The following KCNQ1OT1 variants were observed in gnomAD, a reference collection of about 807,000 sequenced individuals.
KCNQ1OT1 encodes KCNQ1 antisense RNA 2 (non-protein coding).
In KCNQ1OT1 at chr11:2,617,626, A is replaced by T. The variant is rs923674681; in HGVS notation, n.82369T>A. ...ATGATAGTATATTTTCAATTTCTTTAGGAGCCACCATTCTGTTTTTCATTA... is the reference window on the plus strand; with the variant it reads ...ATGATAGTATATTTTCAATTTCTTTTGGAGCCACCATTCTGTTTTTCATTA... On this transcript the variant is annotated non_coding_transcript_exon_variant, in exon 1 of 1. Coordinates refer to ENST00000597346, the Ensembl canonical transcript of KCNQ1OT1. The surrounding 1 kb of genome is among the most constrained non-coding windows in gnomAD (Gnocchi z 4.6). 3 of 398,340 alleles carry T rather than the reference A, an allele frequency of 7.5e-6. No individual in the cohort carries two copies. The highest frequency in any genetic ancestry group is 1.3e-5 in the Non-Finnish European group (3 of 225,970). The allele number at this position is 398,340 out of a possible 1,614,324, so 24.7% of individuals were successfully genotyped here. A position where few individuals can be genotyped will look rare whatever the true frequency, so the allele number is the denominator to read the frequency against.
rs1024917965 is a variant in KCNQ1OT1, at chr11:2,659,960, T to C, written n.40035A>G. Reference sequence around the variant, plus strand: ...TGCAAGTCCTTGACCTGATAGGTGATATGCAAATATTCTTTCCAAGTCTGT... The same window carrying C: ...TGCAAGTCCTTGACCTGATAGGTGACATGCAAATATTCTTTCCAAGTCTGT... On this transcript the variant is annotated non_coding_transcript_exon_variant, in exon 1 of 1. Transcript: ENST00000597346. The surrounding 1 kb of genome is among the most constrained non-coding windows in gnomAD (Gnocchi z 4.3). 2.0e-5 allele frequency: 8 copies of C among 398,354 alleles called. No homozygotes were observed. The highest frequency in any genetic ancestry group is 1.6e-4 in the African/African-American group (8 of 48,646). The allele number at this position is 398,354 out of a possible 1,614,324, so 24.7% of individuals were successfully genotyped here. A position where few individuals can be genotyped will look rare whatever the true frequency, so the allele number is the denominator to read the frequency against.
exon 1 of KCNQ1OT1, chr11:2,672,010 T>C: frequency 2.5e-6 from 1 of 398,708 alleles, no homozygotes. Context: ...GAGTGTATGT[T>C]GGGCTTGTCT....
chr11:2,622,462 A>G (rs1272012659), exon 1 of KCNQ1OT1: 2 of 398,320 alleles, frequency 5.0e-6, no homozygotes, highest in Admixed American at 8.8e-5. Flanking sequence ...AGTTTGTTAT[A>G]TACAGCATAG....
At chr11:2,665,331 T>C (rs1026947160) in exon 1 of KCNQ1OT1, 4 of 398,134 alleles carry the variant, frequency 1.0e-5, no homozygotes, top group Admixed American at 4.4e-5. Context: ...AAGTAGAGAC[T>C]GTAGGCCTGC....
chr11:2,610,910 G>A, exon 1 of KCNQ1OT1: 1 of 397,634 alleles, frequency 2.5e-6, no homozygotes, highest in Admixed American at 4.4e-5. Context: ...ATAGTAGTTG[G>A]GTAATAGTTC....
chr11:2,662,537 C>T (rs1031607671), exon 1 of KCNQ1OT1: 28 of 426,400 alleles, frequency 6.6e-5, no homozygotes, highest in South Asian at 1.8e-4. Flanking sequence ...TGATTTTCCA[C>T]GCCTTCCAGT....
chr11:2,608,393 T>G lies in KCNQ1OT1; in HGVS notation n.91602A>C, dbSNP rs1330441765. ...AATTTCATCTAAGTTTTATAATTTA[T>G]TGGCACAAAATTGTTCATAGTGTTC... On this transcript the variant is annotated non_coding_transcript_exon_variant, in exon 1 of 1. Coordinates refer to ENST00000597346, the Ensembl canonical transcript of KCNQ1OT1. This position sits in a 1 kb window ranked among gnomAD's most constrained non-coding sequence, Gnocchi z 4.6. 2 of 398,652 alleles carry G rather than the reference T, an allele frequency of 5.0e-6. No individual in the cohort carries two copies. The highest frequency in any genetic ancestry group is 8.8e-6 in the Non-Finnish European group (2 of 226,060). 24.7% of individuals were successfully genotyped at this position (398,652 alleles called of 1,614,324 possible). A position where few individuals can be genotyped will look rare whatever the true frequency, so the allele number is the denominator to read the frequency against.
chr11:2,657,434 T>A lies in KCNQ1OT1; in HGVS notation n.42561A>T. On this transcript the variant is annotated non_coding_transcript_exon_variant, in exon 1 of 1. Coordinates refer to ENST00000597346, the Ensembl canonical transcript of KCNQ1OT1. This position sits in a 1 kb window ranked among gnomAD's most constrained non-coding sequence, Gnocchi z 4.8. ...GAGTTCTTGCATATACTTAGTTAGA[T>A]AATTAATATTCTTTTGTGCTATTGT... The A allele has an allele frequency of 2.5e-6, 1 of 398,612 alleles. No individual in the cohort carries two copies. Among genetic ancestry groups the A allele is most frequent in the Admixed American group, 4.4e-5 (1 of 22,746 alleles). 24.7% of individuals were successfully genotyped at this position (398,612 alleles called of 1,614,324 possible). A position where few individuals can be genotyped will look rare whatever the true frequency, so the allele number is the denominator to read the frequency against.
At chr11:2,672,791 A>T (rs1244277529) in exon 1 of KCNQ1OT1, 2 of 398,794 alleles carry the variant, frequency 5.0e-6, no homozygotes, top group Non-Finnish European at 8.8e-6. Flanking sequence ...AGATCCAACC[A>T]GTCCCCTTCA....
In KCNQ1OT1 at chr11:2,677,497, A is replaced by T. The variant is rs1264286579; in HGVS notation, n.22498T>A. ...CCATGCCATACTTCTACAAAAAATGATCCTCTCTGTGGAAGTGCTGCCAAC... is the reference window on the plus strand; with the variant it reads ...CCATGCCATACTTCTACAAAAAATGTTCCTCTCTGTGGAAGTGCTGCCAAC... On this transcript the variant is annotated non_coding_transcript_exon_variant, in exon 1 of 1. Transcript: ENST00000597346. This position sits in a 1 kb window ranked among gnomAD's most constrained non-coding sequence, Gnocchi z 4.5. The T allele has an allele frequency of 5.0e-6, 2 of 398,464 alleles. No homozygotes were observed. The highest frequency in any genetic ancestry group is 4.1e-5 in the African/African-American group (2 of 48,612). 24.7% of individuals were successfully genotyped at this position (398,464 alleles called of 1,614,324 possible). A position where few individuals can be genotyped will look rare whatever the true frequency, so the allele number is the denominator to read the frequency against.
exon 1 of KCNQ1OT1, chr11:2,693,538 G>T: frequency 2.5e-6 from 1 of 398,676 alleles, no homozygotes; most frequent in South Asian, 1.3e-4. Flanking sequence ...CGGGCTGCTA[G>T]GGAGGTTGAG....
chr11:2,612,383 T>C lies in KCNQ1OT1; in HGVS notation n.87612A>G, dbSNP rs952417732. The C allele has an allele frequency of 2.5e-6, 1 of 398,508 alleles. No individual in the cohort carries two copies. Among genetic ancestry groups the C allele is most frequent in the African/African-American group, 2.1e-5 (1 of 48,638 alleles). 24.7% of individuals were successfully genotyped at this position (398,508 alleles called of 1,614,324 possible). On this transcript the variant is annotated non_coding_transcript_exon_variant, in exon 1 of 1. Coordinates refer to ENST00000597346, the Ensembl canonical transcript of KCNQ1OT1. This position sits in a 1 kb window ranked among gnomAD's most constrained non-coding sequence, Gnocchi z 5.5. ...AAACTGGTCCCTCATGCCAAAAAGG[T>C]TGGGGACCACTATATTATGGTATCC...
chr11:2,654,851 C>G lies in KCNQ1OT1; in HGVS notation n.45144G>C. The G allele has an allele frequency of 2.5e-6, 1 of 398,528 alleles. No individual in the cohort carries two copies. Among genetic ancestry groups the G allele is most frequent in the Admixed American group, 4.4e-5 (1 of 22,724 alleles). The allele number at this position is 398,528 out of a possible 1,614,324, so 24.7% of individuals were successfully genotyped here. On this transcript the variant is annotated non_coding_transcript_exon_variant, in exon 1 of 1. Coordinates refer to ENST00000597346, the Ensembl canonical transcript of KCNQ1OT1. This position sits in a 1 kb window ranked among gnomAD's most constrained non-coding sequence, Gnocchi z 6.4. Reference sequence around the variant, plus strand: ...GCTCTATGTAGCCTCATGGGCAGCTCCAGGCCAGGTGGAGGGACATATTCT... The same window carrying G: ...GCTCTATGTAGCCTCATGGGCAGCTGCAGGCCAGGTGGAGGGACATATTCT...
In KCNQ1OT1 at chr11:2,676,385, C is replaced by G. The variant is rs1313780680; in HGVS notation, n.23610G>C. ...CCAGTATAATTGGAAGGAGCATAGT[C>G]TCTGTGTTCAGCTAGAGATTTAGCC... On this transcript the variant is annotated non_coding_transcript_exon_variant, in exon 1 of 1. Coordinates refer to ENST00000597346, the Ensembl canonical transcript of KCNQ1OT1. The surrounding 1 kb of genome is among the most constrained non-coding windows in gnomAD (Gnocchi z 4.2). 3 of 398,528 alleles carry G rather than the reference C, an allele frequency of 7.5e-6. No homozygotes were observed. The highest frequency in any genetic ancestry group is 1.3e-5 in the Non-Finnish European group (3 of 226,084). The allele number at this position is 398,528 out of a possible 1,614,324, so 24.7% of individuals were successfully genotyped here.
exon 1 of KCNQ1OT1, chr11:2,656,624 C>A: frequency 2.5e-6 from 1 of 398,544 alleles, no homozygotes; most frequent in South Asian, 1.3e-4. Flanking sequence ...TCTATTAAGT[C>A]ATTTATATTT....
At chr11:2,684,318 T>C (rs958823059) in exon 1 of KCNQ1OT1, 4 of 398,504 alleles carry the variant, frequency 1.0e-5, no homozygotes, top group Non-Finnish European at 1.8e-5. Context: ...CTGCAGTCTC[T>C]CTCCTGAGGT....
chr11:2,696,527 GTTCAGTTGGCA>G (rs1410524723), exon 1 of KCNQ1OT1: 2 of 398,546 alleles, frequency 5.0e-6, no homozygotes, highest in Non-Finnish European at 8.8e-6. Context: ...CTTTTCAAAA[GTTCAGTTGGCA>G]TTTACAAATA....
exon 1 of KCNQ1OT1, chr11:2,649,274 A>G (rs561127677): frequency 3.0e-5 from 12 of 398,296 alleles, no homozygotes; most frequent in East Asian, 1.1e-4. Context: ...ACTGATTTGT[A>G]TACTTTTGTT....
chr11:2,644,661 G>C (rs1409747021), exon 1 of KCNQ1OT1: 3 of 398,448 alleles, frequency 7.5e-6, no homozygotes, highest in Non-Finnish European at 1.3e-5. Context: ...CACATCTGGT[G>C]TAACAGTAGT....
Sources: gnomAD v4.1 joint callset for allele counts on GRCh38, gnomAD v4.1.1 for gene constraint, Gnocchi (gnomAD v3.1) non-coding constraint, MANE v1.5 for transcripts, NCBI Gene and HGNC (gene_info 2026-07-23, HGNC 2026-07-21) for gene names.